The following AAK1 variants were observed in gnomAD, a reference collection of about 807,000 sequenced individuals.
AAK1 encodes AP2-associated protein kinase 1.
In AAK1, 37 loss-of-function variants were observed where a neutral mutation model predicts 116.0. That is an observed-to-expected ratio of 0.32 (90% CI 0.25 to 0.42). The LOEUF is 0.42. Among genes scored for constraint, AAK1 ranks in the 10% least tolerant of loss-of-function variants. The pLI is 1.00. For synonymous variants in AAK1, 458 were observed against 439.9 expected (o/e 1.04, Z -0.51); for missense variants, 919 against 1,170.6 (o/e 0.79, Z 3.14).
At chr2:69,522,630 G>A (rs568696747) in intron 10 of AAK1, among the ~76,000 whole-genome samples, 3 of 151,806 alleles carry the variant, frequency 2.0e-5, no homozygotes, top group African/African-American at 4.8e-5. Flanking sequence ...ATGGCAAAAC[G>A]CCGTCTCTAC....
At chr2:69,568,408 T>C (rs1470722204) in intron 2 of AAK1, among the ~76,000 whole-genome samples, 1 of 151,438 alleles carries the variant, frequency 6.6e-6, no homozygotes, top group Non-Finnish European at 1.5e-5. Flanking sequence ...GCATCAAAGG[T>C]ATATAAATGT....
At chr2:69,568,585 C>A (rs758697747) in intron 2 of AAK1, among the ~76,000 whole-genome samples, 2 of 151,900 alleles carry the variant, frequency 1.3e-5, no homozygotes, top group African/African-American at 2.4e-5. Flanking sequence ...TGCATGCCAC[C>A]ACACCCAACT....
At chr2:69,479,939 G>A (rs141643470) in intron 19 of AAK1, among the ~76,000 whole-genome samples, 1 of 152,186 alleles carries the variant, frequency 6.6e-6, no homozygotes, top group Non-Finnish European at 1.5e-5. Flanking sequence ...ATTTTTAGTG[G>A]AGACGGCGTT....
At chr2:69,582,408 C>T (rs1306917286) in intron 2 of AAK1, among the ~76,000 whole-genome samples, 14 of 151,600 alleles carry the variant, frequency 9.2e-5, no homozygotes, top group African/African-American at 2.4e-4. Context: ...CGTGTGTGTG[C>T]GCGTGTGTGT....
chr2:69,534,775 G>A (rs963462782), intron 5 of AAK1, among the ~76,000 whole-genome samples: 6 of 152,202 alleles, frequency 3.9e-5, no homozygotes, highest in Non-Finnish European at 5.9e-5. Context: ...GAGCAGTTAT[G>A]ACAGACTTAA....
chr2:69,473,289 G>A lies in AAK1; in HGVS notation c.*2580C>T. The A allele has an allele frequency of 1.0e-6, 1 of 978,836 alleles. No individual in the cohort carries two copies. The highest frequency in any genetic ancestry group is 1.2e-6 in the Non-Finnish European group (1 of 823,892). The allele number at this position is 978,836 out of a possible 1,614,324, so 60.6% of individuals were successfully genotyped here. A position where few individuals can be genotyped will look rare whatever the true frequency, so the allele number is the denominator to read the frequency against. ...AAAATGAAGAGGATGGTGGACTAGA[G>A]GATGGTCTCAAAGGTCCCTTTGTAG... On this transcript the variant is annotated 3_prime_UTR_variant, in exon 22 of 22. Coordinates refer to ENST00000409085, the MANE Select transcript of AAK1 (RefSeq NM_014911.5).
Position 69,472,400 on chromosome 2 carries a change from G to T in AAK1, c.*3469C>A. 1 of 237,658 alleles carries T rather than the reference G, an allele frequency of 4.2e-6. No homozygotes were observed. Among genetic ancestry groups the T allele is most frequent in the Non-Finnish European group, 6.8e-6 (1 of 146,312 alleles). 14.7% of individuals were successfully genotyped at this position (237,658 alleles called of 1,614,324 possible). ...TTTCTTATACCTTATTACCTTCCTT[G>T]ATATTATTTCTAAGGAGAGGAGTTT... On this transcript the variant is annotated 3_prime_UTR_variant, in exon 22 of 22. Transcript: ENST00000409085.
intron 2 of AAK1, among the ~76,000 whole-genome samples, chr2:69,626,154 G>C (rs749860326): frequency 1.3e-5 from 2 of 152,034 alleles, no homozygotes; most frequent in African/African-American, 4.8e-5. Context: ...TGATACCCCA[G>C]TACTGTATTT....
intron 14 of AAK1, among the ~76,000 whole-genome samples, chr2:69,508,121 T>C (rs914578596): frequency 1.3e-5 from 2 of 152,262 alleles, no homozygotes; most frequent in African/African-American, 4.8e-5. Flanking sequence ...CTCCCACTAC[T>C]TCCTTAATCT....
intron 2 of AAK1, among the ~76,000 whole-genome samples, chr2:69,626,289 T>C (rs974024330): frequency 1.1e-4 from 16 of 151,656 alleles, no homozygotes; most frequent in Non-Finnish European, 2.1e-4. Context: ...TAATAAATTC[T>C]GCCCTGATTC....
rs1574176325 is a variant in AAK1, at chr2:69,458,834, A to T, written c.*17035T>A. On this transcript the variant is annotated 3_prime_UTR_variant, in exon 22 of 22. Transcript: ENST00000409085. ...TGTCTCACCCTGCCCCCAAAGTCTA[A>T]CCTATCCTATTTTAACTGGTATTGG... 1 of 152,558 alleles carries T rather than the reference A, an allele frequency of 6.6e-6. No homozygotes were observed. The highest frequency in any genetic ancestry group is 1.9e-4 in the East Asian group (1 of 5,186). 9.5% of individuals were successfully genotyped at this position (152,558 alleles called of 1,614,324 possible).
At chr2:69,576,449 A>C (rs1672319602) in intron 2 of AAK1, among the ~76,000 whole-genome samples, 1 of 151,942 alleles carries the variant, frequency 6.6e-6, no homozygotes, top group South Asian at 2.1e-4. Flanking sequence ...CCCAGGTATT[A>C]AGCCCAGTAC....
chr2:69,537,136 G>C (rs146136756), intron 5 of AAK1, among the ~76,000 whole-genome samples: 38 of 152,338 alleles, frequency 2.5e-4, no homozygotes, highest in Non-Finnish European at 2.5e-4. Flanking sequence ...CACTGGTAAA[G>C]AAGAGGGCTG....
intron 2 of AAK1, among the ~76,000 whole-genome samples, chr2:69,574,054 G>T (rs146996586): frequency 6.6e-6 from 1 of 151,408 alleles, no homozygotes; most frequent in Non-Finnish European, 1.5e-5. Flanking sequence ...ATAAAAAATA[G>T]AAGTCACTTA....
Position 69,468,739 on chromosome 2 carries a change from G to A in AAK1, c.*7130C>T. ...ACCAGGGGCACTTTGGATGCCTGAA[G>A]TGCTAGATTACATTTTGAGAACTAG... On this transcript the variant is annotated 3_prime_UTR_variant, in exon 22 of 22. Transcript: ENST00000409085. 2.0e-6 allele frequency: 2 copies of A among 985,446 alleles called. No homozygotes were observed. The highest frequency in any genetic ancestry group is 1.2e-6 in the Non-Finnish European group (1 of 829,948). 61.0% of individuals were successfully genotyped at this position (985,446 alleles called of 1,614,324 possible).
chr2:69,462,854 A>G lies in AAK1; in HGVS notation c.*13015T>C, dbSNP rs1412426795. ...CAACTAGAAAGACAATTTTGCATCC[A>G]CTAATACATAAAAATCAGAAAGGAG... On this transcript the variant is annotated 3_prime_UTR_variant, in exon 22 of 22. Transcript: ENST00000409085. 4 of 152,206 alleles carry G rather than the reference A, an allele frequency of 2.6e-5. No individual in the cohort carries two copies. The highest frequency in any genetic ancestry group is 4.4e-5 in the Non-Finnish European group (3 of 68,026). 9.4% of individuals were successfully genotyped at this position (152,206 alleles called of 1,614,324 possible). A position where few individuals can be genotyped will look rare whatever the true frequency, so the allele number is the denominator to read the frequency against.
Position 69,460,518 on chromosome 2 carries a change from C to G in AAK1, c.*15351G>C, listed in dbSNP as rs2104850968. 6.6e-6 allele frequency: 1 copy of G among 152,304 alleles called. No individual in the cohort carries two copies. Among genetic ancestry groups the G allele is most frequent in the East Asian group, 1.9e-4 (1 of 5,192 alleles). 9.4% of individuals were successfully genotyped at this position (152,304 alleles called of 1,614,324 possible). On this transcript the variant is annotated 3_prime_UTR_variant, in exon 22 of 22. Transcript: ENST00000409085. Reference sequence around the variant, plus strand: ...ATTCTAAAACTTACTAAATAATGGGCCAGTAAGATACCAGTATCTTTCTAG... The same window carrying G: ...ATTCTAAAACTTACTAAATAATGGGGCAGTAAGATACCAGTATCTTTCTAG...
chr2:69,579,970 C>T (rs1672474754), intron 2 of AAK1, among the ~76,000 whole-genome samples: 1 of 152,096 alleles, frequency 6.6e-6, no homozygotes, highest in South Asian at 2.1e-4. Flanking sequence ...CCAGGTGTCC[C>T]CTCCACACAT....
chr2:69,531,979 G>A (rs982204816), intron 6 of AAK1, 62 bp downstream of exon 6: 14 of 1,596,862 alleles, frequency 8.8e-6, no homozygotes, highest in Admixed American at 1.7e-5. Flanking sequence ...TCATCCATAA[G>A]CTGAAGGTAA....
Sources: allele counts gnomAD v4.1 joint callset (sites outside exome capture counted in the v4.1 genomes callset), GRCh38; gene constraint gnomAD v4.1.1; transcripts MANE v1.5; gene names NCBI Gene and HGNC (gene_info 2026-07-23, HGNC 2026-07-21).